DCAF8L2: variants seen among roughly 807,000 people sequenced by gnomAD.
DCAF8L2 encodes the protein DDB1 and CUL4 associated factor 8 like 2.
For synonymous variants in DCAF8L2, 200 were observed against 190.9 expected, an observed-to-expected ratio of 1.05 and a Z score of -0.39; for missense variants, 430 against 490.7, an observed-to-expected ratio of 0.88 and a Z score of 1.17.
At chrX:27,512,681 T>TAA in the DCAF8L2 span, among the ~76,000 whole-genome samples, 4 of 72,661 alleles carry the variant, frequency 5.5e-5, no homozygotes, top group African/African-American at 2.1e-4. Flanking sequence ...GAGACTCTGT[T>TAA]AAAAAAAAAA....
intron 2 of DCAF8L2, among the ~76,000 whole-genome samples, chrX:27,640,075 A>G (rs1424355760): frequency 9.0e-6 from 1 of 111,291 alleles, no homozygotes; most frequent in Non-Finnish European, 1.9e-5. Flanking sequence ...TCCTAATGCT[A>G]TCCCTCCCCC....
At chrX:27,573,810 C>T in the DCAF8L2 span, among the ~76,000 whole-genome samples, 5 of 110,273 alleles carry the variant, frequency 4.5e-5, no homozygotes, top group Non-Finnish European at 9.5e-5. Flanking sequence ...GTATGCTAAA[C>T]GTTGTATTAC....
At chrX:27,551,067 T>C in the DCAF8L2 span, among the ~76,000 whole-genome samples, 442 of 110,110 alleles carry the variant, frequency 4.0e-3, 1 homozygote, top group African/African-American at 0.014. Context: ...ACTTAATAAA[T>C]GTGTGTGTCC....
chrX:27,595,656 A>G (rs557925749), intron 1 of DCAF8L2, among the ~76,000 whole-genome samples: 54 of 112,400 alleles, frequency 4.8e-4, no homozygotes, highest in Non-Finnish European at 9.4e-4. Flanking sequence ...AGACAAAAAC[A>G]GGAGCTTTGT....
intron 4 of DCAF8L2, among the ~76,000 whole-genome samples, chrX:27,733,443 A>C (rs1921342188): frequency 8.9e-6 from 1 of 112,034 alleles, no homozygotes; most frequent in Admixed American, 9.5e-5. Context: ...GCTTTTATCA[A>C]ATATATGGTT....
intron 4 of DCAF8L2, among the ~76,000 whole-genome samples, chrX:27,722,741 A>G (rs1018984663): frequency 1.8e-5 from 2 of 110,948 alleles, no homozygotes; most frequent in African/African-American, 6.5e-5. Context: ...GGATAACAAA[A>G]TGCTCACTAT....
intron 4 of DCAF8L2, among the ~76,000 whole-genome samples, chrX:27,725,396 G>A (rs1011801387): frequency 9.0e-6 from 1 of 111,023 alleles, no homozygotes; most frequent in Admixed American, 9.7e-5. Flanking sequence ...ATCCCCAAAT[G>A]GAGGCTGCAT....
At chrX:27,624,806 A>G (rs1482444285) in intron 1 of DCAF8L2, among the ~76,000 whole-genome samples, 1 of 111,864 alleles carries the variant, frequency 8.9e-6, no homozygotes, top group Non-Finnish European at 1.9e-5. Flanking sequence ...AGTTATATGC[A>G]GAAAATTGAA....
chrX:27,719,884 G>GTT (rs1280221782), intron 4 of DCAF8L2, among the ~76,000 whole-genome samples: 1 of 111,251 alleles, frequency 9.0e-6, no homozygotes, highest in Non-Finnish European at 1.9e-5. Flanking sequence ...AACCATGTCT[G>GTT]TAAAAGAACA....
chrX:27,512,801 A>AAAAAC, the DCAF8L2 span, among the ~76,000 whole-genome samples: 26 of 88,629 alleles, frequency 2.9e-4, no homozygotes, highest in African/African-American at 7.0e-4. Context: ...AAAAAAAAAA[A>AAAAAC]AAAAAAAAAC....
intron 1 of DCAF8L2, among the ~76,000 whole-genome samples, chrX:27,606,035 T>A (rs1176455662): frequency 1.9e-5 from 2 of 104,353 alleles, no homozygotes; most frequent in African/African-American, 7.0e-5. Context: ...TGAAGAAGAG[T>A]GGGTGTGGGC....
At chrX:27,732,143 G>C (rs1350383835) in intron 4 of DCAF8L2, among the ~76,000 whole-genome samples, 1 of 111,560 alleles carries the variant, frequency 9.0e-6, no homozygotes, top group Non-Finnish European at 1.9e-5. Context: ...TGTGATAAGA[G>C]CACCAGAAAT....
chrX:27,708,297 T>A (rs1243241332), intron 3 of DCAF8L2, among the ~76,000 whole-genome samples: 1 of 112,121 alleles, frequency 8.9e-6, no homozygotes, highest in Non-Finnish European at 1.9e-5. Flanking sequence ...GGCCTCCAGC[T>A]GCATCTATGT....
Position 27,748,070 on chromosome X carries a change from G to C in DCAF8L2, c.1175G>C (p.Arg392Thr), listed in dbSNP as rs780433932. The C allele has an allele frequency of 2.5e-6, 3 of 1,212,016 alleles. No individual in the cohort carries two copies. Among genetic ancestry groups the C allele is most frequent in the Non-Finnish European group, 3.3e-6 (3 of 895,581 alleles). Reference protein sequence around the residue: ...FAVGGQDQFVRIYDQRKIDKK... With the variant: ...FAVGGQDQFVTIYDQRKIDKK... ...GTGGGTGGACAAGATCAGTTTGTAAGGATTTATGACCAGAGGAAAATTGAT... is the reference window on the plus strand; with the variant it reads ...GTGGGTGGACAAGATCAGTTTGTAACGATTTATGACCAGAGGAAAATTGAT... Residue 392 changes from arginine (R) to threonine (T), a missense_variant, in exon 5 of 5, where the codon AGG (arginine) becomes ACG (threonine). Transcript: ENST00000451261.
At chrX:27,675,227 C>A (rs1930100726) in intron 2 of DCAF8L2, among the ~76,000 whole-genome samples, 2 of 111,398 alleles carry the variant, frequency 1.8e-5, no homozygotes, top group South Asian at 7.6e-4. Context: ...TGTCCCCCAT[C>A]TCTTGGTTGA....
At chrX:27,668,758 GC>G (rs1252085936) in intron 2 of DCAF8L2, among the ~76,000 whole-genome samples, 2 of 111,308 alleles carry the variant, frequency 1.8e-5, no homozygotes, top group African/African-American at 6.5e-5. Flanking sequence ...TTCGAGACCA[GC>G]CTGGCCAACA....
chrX:27,736,849 T>C (rs1218429157), intron 4 of DCAF8L2, among the ~76,000 whole-genome samples: 1 of 110,860 alleles, frequency 9.0e-6, no homozygotes, highest in Non-Finnish European at 1.9e-5. Context: ...TATTTTTTTT[T>C]CCAGTCTCAT....
intron 1 of DCAF8L2, among the ~76,000 whole-genome samples, chrX:27,605,978 A>T (rs1220191243): frequency 9.2e-6 from 1 of 109,184 alleles, no homozygotes; most frequent in Non-Finnish European, 1.9e-5. Flanking sequence ...GCACAGACTG[A>T]CTTAATTTGG....
chrX:27,531,981 A>C, the DCAF8L2 span, among the ~76,000 whole-genome samples: 32 of 111,433 alleles, frequency 2.9e-4, no homozygotes, highest in African/African-American at 1.0e-3. Context: ...TTATATTGCT[A>C]ACCTGATCAA....
Sources: allele counts gnomAD v4.1 joint callset (sites outside exome capture counted in the v4.1 genomes callset), GRCh38; gene constraint gnomAD v4.1.1; transcripts MANE v1.5; gene names NCBI Gene and HGNC (gene_info 2026-07-23, HGNC 2026-07-21).